The following NUP54 variants were observed in gnomAD, a reference collection of about 807,000 sequenced individuals.
NUP54 encodes nucleoporin 54.
In NUP54, 27 loss-of-function variants were observed where a neutral mutation model predicts 66.4. The observed-to-expected ratio is 0.41, with a 90% CI of 0.30 to 0.56. The LOEUF (loss-of-function observed/expected upper bound fraction) is 0.56. Ranked by LOEUF, NUP54 falls within the 20% of genes least tolerant of loss-of-function variation. The probability of loss-of-function intolerance (pLI) is 0.34; values close to 1 mark genes in which losing one functional copy is unlikely to be tolerated. For synonymous variants in NUP54, 206 were observed against 210.7 expected, an observed-to-expected ratio of 0.98 and a Z score of 0.19; for missense variants, 486 against 596.3, an observed-to-expected ratio of 0.82 and a Z score of 1.93.
Position 76,126,715 on chromosome 4 carries a change from AAAAT to A in NUP54, c.1057-1963_1057-1960del, listed in dbSNP as rs576928111. ...ATGAGATTTTAAAAGGGAATATTTTAAAATTATTTTAAAGGACATAAAAGACTGC... is the reference window on the plus strand; with the variant it reads ...ATGAGATTTTAAAAGGGAATATTTTATATTTTAAAGGACATAAAAGACTGC... On this transcript the variant is annotated intron_variant, in intron 8 of 11. Transcript: ENST00000264883. Among the ~76,000 whole-genome samples the A allele has an allele frequency of 1.3e-3, 192 of 152,386 alleles. 1 individual carries two copies. The highest frequency in any genetic ancestry group is 2.8e-3 in the Admixed American group (43 of 15,308).
At chr4:76,146,646 T>C (rs540924382) in intron 1 of NUP54, among the ~76,000 whole-genome samples, 2 of 152,324 alleles carry the variant, frequency 1.3e-5, no homozygotes, top group South Asian at 2.1e-4. Context: ...TAAGAGACTA[T>C]GGACGATAAA....
chr4:76,135,356 A>C (rs1339378511), intron 4 of NUP54, among the ~76,000 whole-genome samples: 1 of 152,208 alleles, frequency 6.6e-6, no homozygotes, highest in Non-Finnish European at 1.5e-5. Flanking sequence ...TACATTATGC[A>C]TTTTACCATG....
intron 9 of NUP54, among the ~76,000 whole-genome samples, chr4:76,120,058 T>A (rs1051733032): frequency 6.6e-6 from 1 of 152,202 alleles, no homozygotes; most frequent in Non-Finnish European, 1.5e-5. Context: ...TATTAACCAA[T>A]AATCAATAAT....
intron 1 of NUP54, among the ~76,000 whole-genome samples, chr4:76,146,786 G>T (rs1217903489): frequency 6.6e-6 from 1 of 152,148 alleles, no homozygotes; most frequent in Non-Finnish European, 1.5e-5. Flanking sequence ...AACAACCCAC[G>T]TGCATATGAA....
Position 76,132,583 on chromosome 4 carries a change from T to C in NUP54, c.847A>G (p.Met283Val). 6.2e-7 allele frequency: 1 copy of C among 1,614,106 alleles called. No individual in the cohort carries two copies. The highest frequency in any genetic ancestry group is 2.2e-5 in the East Asian group (1 of 44,864). The part of the protein sequence containing the change: ...QLQQLGVTLS[M>V]TRTELSPAQI... ...GCAGGAGAAAGTTCTGTTCTAGTCATAGAAAGGGTTACACCAAGTTGCTGC... is the reference window on the plus strand; with the variant it reads ...GCAGGAGAAAGTTCTGTTCTAGTCACAGAAAGGGTTACACCAAGTTGCTGC... The change falls in exon 6 of 12, where the codon ATG becomes GTG. Residue 283 changes from methionine to valine, a missense_variant. Physicochemically the swap from Met to Val is conservative, Grantham distance 21. This residue lies in a region of NUP54 where 217 missense variants were observed against 247.9 expected (regional missense o/e 0.88). Coordinates refer to ENST00000264883, the MANE Select transcript of NUP54 (RefSeq NM_017426.4).
At chr4:76,144,017 G>A (rs1034565425) in intron 3 of NUP54, 132 bp downstream of exon 3, 33 of 926,336 alleles carry the variant, frequency 3.6e-5, no homozygotes, top group East Asian at 1.0e-4. Flanking sequence ...AACATGAAAA[G>A]TAACATTCCT....
intron 3 of NUP54, among the ~76,000 whole-genome samples, chr4:76,143,406 C>A (rs188592365): frequency 0.012 from 1,868 of 152,276 alleles, 40 homozygotes; most frequent in African/African-American, 0.042. Context: ...GAGTTCCAGA[C>A]CAGCCTGGCC....
chr4:76,146,863 C>G (rs4288034), intron 1 of NUP54, among the ~76,000 whole-genome samples: 73,129 of 152,050 alleles, frequency 0.48, 18,621 homozygotes, highest in East Asian at 0.89. Context: ...GATGCTATAT[C>G]ACATAAAACT....
intron 4 of NUP54, among the ~76,000 whole-genome samples, chr4:76,135,947 T>A (rs1042528437): frequency 2.6e-5 from 4 of 152,236 alleles, no homozygotes; most frequent in African/African-American, 9.6e-5. Flanking sequence ...ACATTTTTTT[T>A]CTTCAGTTAT....
chr4:76,130,602 C>T, intron 8 of NUP54, 54 bp downstream of exon 8: 4 of 1,174,988 alleles, frequency 3.4e-6, no homozygotes, highest in Non-Finnish European at 5.1e-6. Context: ...AATTAAATGT[C>T]TATAATCCCT....
At chr4:76,136,576 T>C (rs1318788880) in intron 3 of NUP54, among the ~76,000 whole-genome samples, 164 bp from the exon 4 acceptor site, 1 of 152,138 alleles carries the variant, frequency 6.6e-6, no homozygotes, top group Non-Finnish European at 1.5e-5. Flanking sequence ...CCTTTGTAGA[T>C]GTGATTAAAT....
In NUP54 at chr4:76,132,639, T is replaced by G. The variant is rs769545860; in HGVS notation, c.791A>C (p.His264Pro). The change falls in exon 6 of 12, where the codon CAT becomes CCT. Residue 264 changes from histidine to proline, a missense_variant. His to Pro is a moderately conservative substitution (Grantham distance 77). Coordinates refer to ENST00000264883, the MANE Select transcript of NUP54 (RefSeq NM_017426.4). ...RRVPATTLYA[H>P]FEQANIKTQL... ...TGTTTTTATATTGGCTTGTTCAAAA[T>G]GGGCATATAGCGTTGTAGCTGGAAC... 2 of 1,614,080 alleles carry G rather than the reference T, an allele frequency of 1.2e-6. No individual in the cohort carries two copies. The highest frequency in any genetic ancestry group is 1.7e-5 in the Admixed American group (1 of 60,018).
At chr4:76,147,759 G>T (rs1186086207) in intron 1 of NUP54, 3 of 741,506 alleles carry the variant, frequency 4.0e-6, no homozygotes, top group Admixed American at 6.9e-5. Context: ...AACAAACCTG[G>T]TTTTGCTCCA....
chr4:76,142,517 T>C (rs905927221), intron 3 of NUP54, among the ~76,000 whole-genome samples: 1 of 152,234 alleles, frequency 6.6e-6, no homozygotes, highest in Admixed American at 6.5e-5. Context: ...TTTGCATCCC[T>C]GTACTTCTTC....
At chr4:76,137,399 T>C (rs1434474943) in intron 3 of NUP54, among the ~76,000 whole-genome samples, 2 of 152,248 alleles carry the variant, frequency 1.3e-5, no homozygotes, top group African/African-American at 4.8e-5. Context: ...AAGGGATGCA[T>C]GTGGATAAAA....
chr4:76,125,865 GGAGA>G (rs72044977), intron 8 of NUP54, among the ~76,000 whole-genome samples: 14 of 90,124 alleles, frequency 1.6e-4, no homozygotes, highest in Middle Eastern at 6.4e-3. Flanking sequence ...GGAGGGGGAG[GGAGA>G]GAGAGAGACA....
At position 76,148,340 on chromosome 4, in the gene NUP54, G is replaced by T; in HGVS notation, c.35C>A (p.Ser12Tyr). 2 of 1,547,460 alleles carry T rather than the reference G, an allele frequency of 1.3e-6. No individual in the cohort carries two copies. The highest frequency in any genetic ancestry group is 2.5e-5 in the South Asian group (2 of 81,550). Reference protein sequence around the residue: ...AFNFGAPSGTSGTAAATAAPA... With the variant: ...AFNFGAPSGTYGTAAATAAPA... ...GGCCGCGGTGGCTGCAGCGGTACCG[G>T]AGGTGCCCGAGGGAGCCCCAAAATT... Residue 12 changes from serine (S) to tyrosine (Y), a missense_variant, in exon 1 of 12, where the codon TCC becomes TAC. Coordinates refer to ENST00000264883, the MANE Select transcript of NUP54 (RefSeq NM_017426.4).
chr4:76,124,645 C>A lies in NUP54; in HGVS notation c.1164+4G>T. 6.9e-7 allele frequency: 1 copy of A among 1,446,638 alleles called. No individual in the cohort carries two copies. Among genetic ancestry groups the A allele is most frequent in the Non-Finnish European group, 9.7e-7 (1 of 1,034,992 alleles). The allele number at this position is 1,446,638 out of a possible 1,614,324, so 89.6% of individuals were successfully genotyped here. On this transcript the variant is annotated splice_donor_region_variant and intron_variant, in intron 9 of 11. Transcript: ENST00000264883. ...ACACTGGGGGGGAAAATCCAAATTA[C>A]TACCTGTAAAGTTCTATGGGAAAGA...
chr4:76,135,229 C>T (rs1319940048), intron 4 of NUP54, among the ~76,000 whole-genome samples: 1 of 151,968 alleles, frequency 6.6e-6, no homozygotes, highest in Non-Finnish European at 1.5e-5. Context: ...TGTTTTTTTA[C>T]ATATTAATAT....
Sources: allele counts gnomAD v4.1 joint callset (sites outside exome capture counted in the v4.1 genomes callset), GRCh38; gene constraint gnomAD v4.1.1; regional missense constraint gnomAD v4.1.1; transcripts MANE v1.5; gene names NCBI Gene and HGNC (gene_info 2026-07-23, HGNC 2026-07-21).